The following ERC2 variants were observed in gnomAD, a reference collection of about 807,000 sequenced individuals.
ERC2 encodes the protein ELKS/RAB6-interacting/CAST family member 2, also known as ERC protein 2.
In ERC2, 42 loss-of-function variants were observed where a neutral mutation model predicts 114.8. That is an observed-to-expected ratio of 0.37 (90% CI 0.29 to 0.47). The LOEUF (loss-of-function observed/expected upper bound fraction) is 0.47, where lower values mean the gene tolerates loss of function less well. ERC2 is among the 20% of genes least tolerant of loss of function. The probability of loss-of-function intolerance (pLI) is 0.99; values close to 1 mark genes in which losing one functional copy is unlikely to be tolerated. For missense variants in ERC2, 939 were observed against 1,150.7 expected, an observed-to-expected ratio of 0.82 and a Z score of 2.66; for synonymous variants, 454 against 425.5, an observed-to-expected ratio of 1.07 and a Z score of -0.82.
At chr3:56,281,178 C>T (rs930697427) in intron 3 of ERC2, among the ~76,000 whole-genome samples, 5 of 152,090 alleles carry the variant, frequency 3.3e-5, no homozygotes, top group Non-Finnish European at 5.9e-5. Context: ...TGGCTCACGC[C>T]TGTAATCCCA....
intron 17 of ERC2, among the ~76,000 whole-genome samples, chr3:55,656,825 C>CA (rs71096495): frequency 0.85 from 128,814 of 152,158 alleles, 55,601 homozygotes; most frequent in East Asian, 1. Flanking sequence ...TTCCCATAGA[C>CA]ACGGCCTCTA....
At position 55,799,402 on chromosome 3, in the gene ERC2, T is replaced by C. The variant is rs201121601; in HGVS notation, c.2565-64484A>G. ...TGCCTTATATATATATATGCATATA[T>C]ATATATGCCTTATATATATGCATAT... On this transcript the variant is annotated intron_variant, in intron 14 of 17. Transcript: ENST00000288221. 4.3e-5 allele frequency among the ~76,000 whole-genome samples: 6 copies of C among 139,272 alleles called. No homozygotes were observed. The East Asian group carries it at 9.9e-4, about 23-fold the overall frequency. The allele number at this position is 139,272 out of a possible 152,430, so 91.4% of individuals were successfully genotyped here.
At chr3:55,584,293 A>G (rs953368055) in intron 17 of ERC2, among the ~76,000 whole-genome samples, 4 of 152,208 alleles carry the variant, frequency 2.6e-5, no homozygotes, top group African/African-American at 9.6e-5. Flanking sequence ...AATGGGTTCA[A>G]TAACAGCTCC....
chr3:56,345,018 G>A (rs1438034260), intron 2 of ERC2, among the ~76,000 whole-genome samples: 1 of 152,104 alleles, frequency 6.6e-6, no homozygotes, highest in East Asian at 1.9e-4. Context: ...AACTTATAAA[G>A]AAAAGAGGTA....
chr3:55,673,614 G>A (rs1327760621), intron 17 of ERC2, among the ~76,000 whole-genome samples: 1 of 152,026 alleles, frequency 6.6e-6, no homozygotes, highest in Admixed American at 6.6e-5. Context: ...AAGAGGAGCA[G>A]AGAGGTTTCT....
chr3:55,619,523 A>C (rs2059247597), intron 17 of ERC2, among the ~76,000 whole-genome samples: 1 of 152,222 alleles, frequency 6.6e-6, no homozygotes, highest in Non-Finnish European at 1.5e-5. Flanking sequence ...ACAGAGTTCC[A>C]GATTTGAGAG....
chr3:56,081,382 G>A (rs769650270), intron 6 of ERC2, among the ~76,000 whole-genome samples: 7 of 152,050 alleles, frequency 4.6e-5, no homozygotes, highest in Non-Finnish European at 1.0e-4. Flanking sequence ...GAAATACGGA[G>A]AACACAATGA....
intron 4 of ERC2, among the ~76,000 whole-genome samples, chr3:56,170,595 T>TGGG (rs60302237): frequency 7.6e-6 from 1 of 132,258 alleles, no homozygotes; most frequent in African/African-American, 2.9e-5. Flanking sequence ...GTTTTTTTTT[T>TGGG]TTTTTTTTTT....
At chr3:56,341,166 T>C (rs1376445978) in intron 2 of ERC2, among the ~76,000 whole-genome samples, 1 of 152,198 alleles carries the variant, frequency 6.6e-6, no homozygotes, top group Non-Finnish European at 1.5e-5. Flanking sequence ...GTCATGGTTA[T>C]TTTAAAGGGA....
At chr3:55,777,675 A>G (rs2068728516) in intron 14 of ERC2, among the ~76,000 whole-genome samples, 1 of 152,200 alleles carries the variant, frequency 6.6e-6, no homozygotes, top group African/African-American at 2.4e-5. Context: ...ATTTTTATAC[A>G]CCAGGCTTTA....
intron 2 of ERC2, among the ~76,000 whole-genome samples, chr3:56,412,532 A>T (rs1472118532): frequency 6.6e-6 from 1 of 152,242 alleles, no homozygotes; most frequent in East Asian, 1.9e-4. Context: ...GCCAGGCTCT[A>T]GGCTACATAC....
At chr3:55,853,436 G>A (rs893089164) in intron 14 of ERC2, among the ~76,000 whole-genome samples, 47 of 151,946 alleles carry the variant, frequency 3.1e-4, no homozygotes, top group African/African-American at 8.7e-4. Flanking sequence ...GAGAGGGGAG[G>A]ATGACTTGAG....
At chr3:55,668,539 C>T (rs1316180251) in intron 17 of ERC2, among the ~76,000 whole-genome samples, 4 of 152,202 alleles carry the variant, frequency 2.6e-5, no homozygotes, top group African/African-American at 9.6e-5. Context: ...TCTCACAGGA[C>T]TCCATTGGGG....
At chr3:56,217,853 A>G (rs1201213547) in intron 3 of ERC2, among the ~76,000 whole-genome samples, 1 of 152,148 alleles carries the variant, frequency 6.6e-6, no homozygotes. Context: ...CAACTATCTG[A>G]TCTTTGACAA....
At chr3:56,230,026 C>T (rs967677240) in intron 3 of ERC2, among the ~76,000 whole-genome samples, 5 of 151,706 alleles carry the variant, frequency 3.3e-5, no homozygotes, top group South Asian at 2.1e-4. Context: ...CCACCACACC[C>T]GGCTAAATTT....
intron 2 of ERC2, among the ~76,000 whole-genome samples, chr3:56,392,953 C>G (rs2060182352): frequency 6.6e-6 from 1 of 152,220 alleles, no homozygotes; most frequent in Non-Finnish European, 1.5e-5. Flanking sequence ...CTCCCTTCAG[C>G]TCCTTCTTGC....
chr3:56,327,761 A>C (rs2057431276), intron 2 of ERC2, among the ~76,000 whole-genome samples: 1 of 152,180 alleles, frequency 6.6e-6, no homozygotes, highest in African/African-American at 2.4e-5. Context: ...GAATCGAGGG[A>C]ATCAGAGAAA....
At chr3:55,917,267 AG>A (rs1346889863) in intron 13 of ERC2, among the ~76,000 whole-genome samples, 1 of 152,164 alleles carries the variant, frequency 6.6e-6, no homozygotes, top group East Asian at 1.9e-4. Context: ...AATAAATGGC[AG>A]GGGTAAAAAC....
chr3:56,326,559 T>C (rs7641435), intron 2 of ERC2, among the ~76,000 whole-genome samples: 46,860 of 151,990 alleles, frequency 0.31, 7,333 homozygotes, highest in Admixed American at 0.34. Flanking sequence ...ATTAATCCTG[T>C]ACATGCAGGT....
Sources: allele counts gnomAD v4.1 joint callset (sites outside exome capture counted in the v4.1 genomes callset), GRCh38; gene constraint gnomAD v4.1.1; transcripts MANE v1.5; gene names NCBI Gene and HGNC (gene_info 2026-07-23, HGNC 2026-07-21).